Variants in LZTFL1 observed in about 807,000 individuals in gnomAD.
LZTFL1 encodes leucine zipper transcription factor like 1.
A neutral mutation model predicts 45.9 loss-of-function variants in LZTFL1; 25 were observed. That is an observed-to-expected ratio of 0.54 (90% confidence interval 0.40 to 0.76). The LOEUF is 0.76. LZTFL1 is among the 30% of genes least tolerant of loss of function. The probability of loss-of-function intolerance (pLI) is 0.00; values close to 1 mark genes in which losing one functional copy is unlikely to be tolerated. For missense variants in LZTFL1, 277 were observed against 331.1 expected (o/e 0.84, Z 1.27); for synonymous variants, 93 against 117.4 (o/e 0.79, Z 1.35).
chr3:45,900,699 C>T lies in LZTFL1; in HGVS notation c.-215+12421G>A. The stretch of plus-strand genomic sequence containing the variant: ...CTCAGAATGCCTATGTGTCTTTGGC[C>T]TTATCATAGGTGTTTGGGGTTGGAA... On this transcript the variant is annotated intron_variant, in intron 2 of 4. Transcript: ENST00000472635. The surrounding 1 kb of genome is among the most constrained non-coding windows in gnomAD (Gnocchi z 4.7). 1 of 1,076,438 alleles carries T rather than the reference C, an allele frequency of 9.3e-7. No homozygotes were observed. The highest frequency in any genetic ancestry group is 1.3e-6 in the Non-Finnish European group (1 of 744,978). 66.7% of individuals were successfully genotyped at this position (1,076,438 alleles called of 1,614,324 possible).
intron 2 of LZTFL1, among the ~76,000 whole-genome samples, chr3:45,877,741 GT>G (rs71288016): frequency 0.013 from 1,792 of 137,064 alleles, 14 homozygotes; most frequent in African/African-American, 0.025. Context: ...TCATTTATTA[GT>G]TTTTTTTTTT....
chr3:45,889,501 A>T lies in LZTFL1; in HGVS notation c.-215+23619T>A, dbSNP rs552166633. On this transcript the variant is annotated intron_variant, in intron 2 of 4. Transcript: ENST00000472635. ...TTGGGCTTCTTCTTCTTTTTTTTTT[A>T]AATCTGACAAGTTATTTTTATGACA... Among the ~76,000 whole-genome samples, 10 of 151,652 alleles carry T rather than the reference A, an allele frequency of 6.6e-5. No homozygotes were observed. In the South Asian group the frequency reaches 1.5e-3, roughly 22 times the overall value.
chr3:45,824,738 T>G lies in LZTFL1; in HGVS notation c.*1576A>C, dbSNP rs1191826866. On this transcript the variant is annotated 3_prime_UTR_variant, in exon 10 of 10. Coordinates refer to ENST00000296135, the MANE Select transcript of LZTFL1 (RefSeq NM_020347.4). ...CCAAGAGTTCTGCTTCTGAATTACA[T>G]AGAACATCTTGGTCCACAGACAATG... The G allele has an allele frequency of 5.0e-6, 2 of 397,786 alleles. No homozygotes were observed. The highest frequency in any genetic ancestry group is 8.9e-6 in the Non-Finnish European group (2 of 225,578). 24.6% of individuals were successfully genotyped at this position (397,786 alleles called of 1,614,324 possible).
At chr3:45,897,193 G>A (rs1286529941) in intron 2 of LZTFL1, among the ~76,000 whole-genome samples, 3 of 152,202 alleles carry the variant, frequency 2.0e-5, no homozygotes, top group African/African-American at 7.2e-5. Flanking sequence ...TGATGTCTAA[G>A]ATCCATCAGG....
chr3:45,828,341 G>T, intron 8 of LZTFL1, 98 bp downstream of exon 8: 1 of 997,698 alleles, frequency 1.0e-6, no homozygotes, highest in Non-Finnish European at 1.5e-6. Flanking sequence ...ATCTGAATTT[G>T]CAGTTGTCCA....
Position 45,894,770 on chromosome 3 carries a change from A to C in LZTFL1, c.-215+18350T>G, listed in dbSNP as rs529762472. On this transcript the variant is annotated intron_variant, in intron 2 of 4. Transcript: ENST00000472635. The stretch of plus-strand genomic sequence containing the variant: ...GATTCTGAAATCTAGAATACTATAT[A>C]GACTCTAACTCCTGCTTGGAATATT... 8 of 672,498 alleles carry C rather than the reference A, an allele frequency of 1.2e-5. No individual in the cohort carries two copies. The Admixed American group carries it at 1.7e-4, about 14-fold the overall frequency. 41.7% of individuals were successfully genotyped at this position (672,498 alleles called of 1,614,324 possible).
intron 3 of LZTFL1, among the ~76,000 whole-genome samples, chr3:45,857,289 A>G (rs1220906127): frequency 6.6e-6 from 1 of 152,228 alleles, no homozygotes; most frequent in Non-Finnish European, 1.5e-5. Context: ...CAAACATTGC[A>G]TGTTCTCACT....
chr3:45,895,229 G>T (rs888277711), intron 2 of LZTFL1: 1 of 515,810 alleles, frequency 1.9e-6, no homozygotes, highest in African/African-American at 1.9e-5. Context: ...CTTTAACTAG[G>T]GTGTGCTTAG....
At position 45,890,350 on chromosome 3, in the gene LZTFL1, C is replaced by CATATATATATATATAACAT. The variant is rs1559421673; in HGVS notation, c.-215+22751_-215+22769dup. Among the ~76,000 whole-genome samples the CATATATATATATATAACAT allele has an allele frequency of 8.9e-3, 204 of 23,010 alleles. 51 individuals carry two copies. The highest frequency in any genetic ancestry group is 0.034 in the African/African-American group (193 of 5,672). 15.1% of individuals were successfully genotyped at this position (23,010 alleles called of 152,430 possible). ...ATATATATATAACATATATATATAA[C>CATATATATATATATAACAT]ATATATATATATATAACATATATAA... On this transcript the variant is annotated intron_variant, in intron 2 of 4. Transcript: ENST00000472635.
At chr3:45,864,465 G>C (rs779733872) in intron 2 of LZTFL1, among the ~76,000 whole-genome samples, 31 of 152,164 alleles carry the variant, frequency 2.0e-4, no homozygotes, top group Non-Finnish European at 3.5e-4. Context: ...ATTATGGTAT[G>C]TCCATATCTG....
intron 3 of LZTFL1, among the ~76,000 whole-genome samples, chr3:45,858,329 C>A (rs1701427817): frequency 1.3e-5 from 2 of 152,096 alleles, no homozygotes; most frequent in African/African-American, 2.4e-5. Flanking sequence ...AATACTGTAG[C>A]CAGAATGGGA....
At chr3:45,846,271 AT>A (rs1335929245), upstream of LZTFL1, among the ~76,000 whole-genome samples, 11 of 152,204 alleles carry the variant, frequency 7.2e-5, no homozygotes, top group Non-Finnish European at 1.3e-4. Flanking sequence ...AGAATGAATT[AT>A]TTAGTTCTCA....
intron 4 of LZTFL1, among the ~76,000 whole-genome samples, chr3:45,847,906 T>C (rs1281347046): frequency 6.6e-6 from 1 of 152,230 alleles, no homozygotes; most frequent in Non-Finnish European, 1.5e-5. Context: ...AAAAACCTGT[T>C]TAGGCAGCTA....
Position 45,824,593 on chromosome 3 carries a change from A to C in LZTFL1, c.*1721T>G. ...ACTGCTACCAAGAAAACAAGTACAAATTCTACCTAGCAATATAGGTTTCTT... is the reference window on the plus strand; with the variant it reads ...ACTGCTACCAAGAAAACAAGTACAACTTCTACCTAGCAATATAGGTTTCTT... On this transcript the variant is annotated 3_prime_UTR_variant, in exon 10 of 10. Transcript: ENST00000296135. The C allele has an allele frequency of 2.6e-6, 1 of 380,780 alleles. No homozygotes were observed. The allele number at this position is 380,780 out of a possible 1,614,324, so 23.6% of individuals were successfully genotyped here.
upstream of LZTFL1, among the ~76,000 whole-genome samples, chr3:45,845,605 C>T (rs1460437407): frequency 1.3e-5 from 2 of 152,184 alleles, no homozygotes; most frequent in African/African-American, 4.8e-5. Flanking sequence ...AAGAGATATA[C>T]TGACAGCTTA....
intron 4 of LZTFL1, among the ~76,000 whole-genome samples, chr3:45,848,195 A>G (rs1701248663): frequency 6.6e-6 from 1 of 152,252 alleles, no homozygotes; most frequent in Non-Finnish European, 1.5e-5. Context: ...ATACAAGATA[A>G]AAAGGTAGTT....
chr3:45,849,721 G>A (rs1701279901), intron 4 of LZTFL1, among the ~76,000 whole-genome samples: 2 of 152,334 alleles, frequency 1.3e-5, no homozygotes, highest in Middle Eastern at 3.4e-3. Flanking sequence ...AAAAAAGACT[G>A]TGGAGAATAA....
Position 45,901,214 on chromosome 3 carries a change from G to A in LZTFL1, c.-215+11906C>T, listed in dbSNP as rs1702543951. The stretch of plus-strand genomic sequence containing the variant: ...TGTTGCTGATCATGTGCATCAGCGT[G>A]GACAGGTACATTGCCATTGCCCAGG... On this transcript the variant is annotated intron_variant, in intron 2 of 4. Transcript: ENST00000472635. The surrounding 1 kb of genome is among the most constrained non-coding windows in gnomAD (Gnocchi z 4.3). The A allele has an allele frequency of 6.2e-7, 1 of 1,614,128 alleles. No homozygotes were observed.
intron 2 of LZTFL1, among the ~76,000 whole-genome samples, chr3:45,861,545 T>C (rs145349988): frequency 6.6e-6 from 1 of 152,304 alleles, no homozygotes; most frequent in African/African-American, 2.4e-5. Flanking sequence ...TATGAGTAAG[T>C]AGACCTTGCG....
Sources: gnomAD v4.1 joint callset for allele counts (sites outside exome capture counted in the v4.1 genomes callset) on GRCh38, gnomAD v4.1.1 for gene constraint, Gnocchi (gnomAD v3.1) non-coding constraint, MANE v1.5 for transcripts, NCBI Gene and HGNC (gene_info 2026-07-23, HGNC 2026-07-21) for gene names.